The following CADPS2 variants were observed in gnomAD, a reference collection of about 807,000 sequenced individuals.
CADPS2 encodes the protein calcium dependent secretion activator 2.
CADPS2 carries 93 observed loss-of-function variants against 172.5 expected under a neutral mutation model. That is an observed-to-expected ratio of 0.54 (90% CI 0.46 to 0.64). The LOEUF (loss-of-function observed/expected upper bound fraction) is 0.64. Among genes scored for constraint, CADPS2 ranks in the 30% least tolerant of loss-of-function variants. The pLI, the probability that CADPS2 is intolerant of heterozygous loss-of-function variation, is 0.00. For missense variants in CADPS2, 1,420 were observed against 1,565.9 expected, an observed-to-expected ratio of 0.91 and a Z score of 1.57; for synonymous variants, 546 against 555.2, an observed-to-expected ratio of 0.98 and a Z score of 0.23.
chr7:122,668,737 A>G (rs908807452), intron 2 of CADPS2, among the ~76,000 whole-genome samples: 3 of 152,236 alleles, frequency 2.0e-5, no homozygotes, highest in Non-Finnish European at 2.9e-5. Context: ...AAATGAAGAG[A>G]GATTTGCTGG....
intron 1 of CADPS2, among the ~76,000 whole-genome samples, chr7:122,856,761 TAGTA>T (rs1186367731): frequency 6.6e-6 from 1 of 152,148 alleles, no homozygotes; most frequent in African/African-American, 2.4e-5. Context: ...CTATAAAACA[TAGTA>T]AGCACTGCAT....
At chr7:122,515,603 T>C (rs953424402) in intron 8 of CADPS2, among the ~76,000 whole-genome samples, 1 of 152,050 alleles carries the variant, frequency 6.6e-6, no homozygotes, top group Admixed American at 6.6e-5. Context: ...CTCAGCTCTT[T>C]CCAAGTGTCT....
chr7:122,730,698 T>C (rs899796160), intron 2 of CADPS2, among the ~76,000 whole-genome samples: 1 of 151,730 alleles, frequency 6.6e-6, no homozygotes, highest in South Asian at 2.1e-4. Flanking sequence ...GGAGTTGCTA[T>C]AGCTATTGAA....
intron 25 of CADPS2, among the ~76,000 whole-genome samples, chr7:122,361,224 C>CTT (rs376434122): frequency 4.8e-5 from 5 of 103,416 alleles, no homozygotes; most frequent in Admixed American, 1.0e-4. Context: ...AAATAATACA[C>CTT]TTTTTTTTTT....
rs1340774700 is a variant in CADPS2, at chr7:122,788,013, C to A, written c.340-50945G>T. ...AGACTAGCTGACAATAAACATCCCC[C>A]CTGTGAGAATAAGAGCACACTATGG... On this transcript the variant is annotated intron_variant, in intron 1 of 29. Coordinates refer to ENST00000449022, the MANE Select transcript of CADPS2 (RefSeq NM_017954.11). Among the ~76,000 whole-genome samples, 3 of 152,234 alleles carry A rather than the reference C, an allele frequency of 2.0e-5. 1 individual carries two copies. In the East Asian group the frequency reaches 5.8e-4, roughly 29 times the overall value.
intron 6 of CADPS2, among the ~76,000 whole-genome samples, chr7:122,613,588 C>A (rs1024301493): frequency 2.6e-5 from 4 of 151,860 alleles, no homozygotes; most frequent in African/African-American, 9.7e-5. Flanking sequence ...TACGAAATGT[C>A]CAGAATAGAT....
At chr7:122,790,397 TAA>T (rs71531917) in intron 1 of CADPS2, among the ~76,000 whole-genome samples, 86 of 117,042 alleles carry the variant, frequency 7.3e-4, no homozygotes, top group African/African-American at 9.6e-4. Flanking sequence ...ACAGCGTTTC[TAA>T]AAAAAAAAAA....
intron 1 of CADPS2, among the ~76,000 whole-genome samples, chr7:122,807,568 C>A (rs1045377357): frequency 6.6e-6 from 1 of 152,196 alleles, no homozygotes; most frequent in Non-Finnish European, 1.5e-5. Context: ...TTTGGGGTTG[C>A]TATTAATATA....
chr7:122,571,064 C>G (rs558009767), intron 7 of CADPS2, among the ~76,000 whole-genome samples: 1 of 151,796 alleles, frequency 6.6e-6, no homozygotes, highest in Non-Finnish European at 1.5e-5. Context: ...AAGAGAATAA[C>G]AGGACAAGCC....
At chr7:122,789,776 A>T (rs17144891) in intron 1 of CADPS2, among the ~76,000 whole-genome samples, 29,715 of 152,100 alleles carry the variant, frequency 0.2, 3,015 homozygotes, top group Middle Eastern at 0.3. Flanking sequence ...CAAAAATAAA[A>T]CATAACACAC....
At chr7:122,389,275 A>G (rs1308647090) in intron 22 of CADPS2, among the ~76,000 whole-genome samples, 5 of 152,062 alleles carry the variant, frequency 3.3e-5, no homozygotes, top group Non-Finnish European at 7.4e-5. Flanking sequence ...TAGGTAGGGA[A>G]GCAATCTTTT....
At chr7:122,725,748 C>A (rs1314712443) in intron 2 of CADPS2, among the ~76,000 whole-genome samples, 1 of 151,754 alleles carries the variant, frequency 6.6e-6, no homozygotes, top group East Asian at 1.9e-4. Flanking sequence ...GAGCTTTGAT[C>A]ACGTCACTGT....
At chr7:122,591,757 A>G (rs2133214237) in intron 6 of CADPS2, among the ~76,000 whole-genome samples, 1 of 152,328 alleles carries the variant, frequency 6.6e-6, no homozygotes, top group South Asian at 2.1e-4. Flanking sequence ...TATTTAATAA[A>G]TGGTGCTGGG....
intron 20 of CADPS2, among the ~76,000 whole-genome samples, chr7:122,406,437 C>T (rs1563257233): frequency 6.6e-6 from 1 of 152,002 alleles, no homozygotes; most frequent in Non-Finnish European, 1.5e-5. Context: ...GAAGAAGTTC[C>T]TTGGAGAGTC....
chr7:122,829,500 A>C (rs950809902), intron 1 of CADPS2, among the ~76,000 whole-genome samples: 1 of 152,204 alleles, frequency 6.6e-6, no homozygotes, highest in Non-Finnish European at 1.5e-5. Flanking sequence ...TGCAAAAGCC[A>C]CACTCAAATC....
At chr7:122,585,766 G>C (rs1254081979) in intron 6 of CADPS2, 1 of 151,928 alleles carries the variant, frequency 6.6e-6, no homozygotes. Flanking sequence ...ACCTTTACGA[G>C]AACAGCAGGA....
At chr7:122,461,303 T>A (rs2054400134) in intron 14 of CADPS2, among the ~76,000 whole-genome samples, 1 of 152,162 alleles carries the variant, frequency 6.6e-6, no homozygotes, top group Admixed American at 6.5e-5. Context: ...GAAGAGACAA[T>A]ATTTAAAGAG....
intron 3 of CADPS2, among the ~76,000 whole-genome samples, chr7:122,634,323 T>C (rs757013640): frequency 5.3e-5 from 8 of 152,140 alleles, no homozygotes; most frequent in Non-Finnish European, 1.2e-4. Flanking sequence ...GGTTAGTAAT[T>C]TTTAAATTAC....
intron 2 of CADPS2, among the ~76,000 whole-genome samples, chr7:122,690,989 C>T (rs545251556): frequency 1.3e-5 from 2 of 152,304 alleles, no homozygotes; most frequent in Admixed American, 1.3e-4. Context: ...GGTGTACCTC[C>T]GGCCCCATGG....
Sources: gnomAD v4.1 joint callset for allele counts (sites outside exome capture counted in the v4.1 genomes callset) on GRCh38, gnomAD v4.1.1 for gene constraint, MANE v1.5 for transcripts, NCBI Gene and HGNC (gene_info 2026-07-23, HGNC 2026-07-21) for gene names.